Variants in NCS1 observed in about 807,000 individuals in gnomAD.
NCS1 encodes neuronal calcium sensor 1.
NCS1 carries 6 observed loss-of-function variants against 28.4 expected under a neutral mutation model. The ratio of observed to expected loss-of-function variants is 0.21; its 90% CI spans 0.12 to 0.42. The LOEUF is 0.42. Ranked by LOEUF, NCS1 falls within the 10% of genes least tolerant of loss-of-function variation. NCS1 has a pLI of 1.00. For synonymous variants in NCS1, 86 were observed against 99.3 expected (o/e 0.87, Z 0.79); for missense variants, 131 against 241.4 (o/e 0.54, Z 3.03).
intron 3 of NCS1, among the ~76,000 whole-genome samples, chr9:130,218,520 C>T (rs1554909709): frequency 1.3e-5 from 2 of 152,184 alleles, no homozygotes; most frequent in African/African-American, 4.8e-5. Context: ...GCAAATACCT[C>T]CCATGATAAT....
chr9:130,207,361 C>T (rs1314730631), intron 2 of NCS1, among the ~76,000 whole-genome samples: 2 of 152,236 alleles, frequency 1.3e-5, no homozygotes, highest in Non-Finnish European at 2.9e-5. Flanking sequence ...GGTCACCGTG[C>T]ACTGGCCACA....
rs1166378195 is a variant in NCS1, at chr9:130,219,388, C to CT, written c.229-335dup. 2.0e-5 allele frequency among the ~76,000 whole-genome samples: 3 copies of CT among 152,202 alleles called. No individual in the cohort carries two copies. Among genetic ancestry groups the CT allele is most frequent in the Non-Finnish European group, 4.4e-5 (3 of 68,030 alleles). ...GAGCCCACAGCTCTAGGCCGAGGGGCTTCCGGGCTGTTGCTGAGAGGAGCT... is the reference window on the plus strand; with the variant it reads ...GAGCCCACAGCTCTAGGCCGAGGGGCTTTCCGGGCTGTTGCTGAGAGGAGCT... On this transcript the variant is annotated intron_variant, in intron 3 of 7. Coordinates refer to ENST00000372398, the MANE Select transcript of NCS1 (RefSeq NM_014286.4). This position sits in a 1 kb window ranked among gnomAD's most constrained non-coding sequence, Gnocchi z 5.7.
In NCS1 at chr9:130,209,674, G is replaced by A. The variant is rs1205719686; in HGVS notation, c.90-8158G>A. ...GTGTGGGAGGAGACCCAGCGCTGGC[G>A]TGGGAACTGTTTTGCAAGTGGTAGT... On this transcript the variant is annotated intron_variant, in intron 2 of 7. Coordinates refer to ENST00000372398, the MANE Select transcript of NCS1 (RefSeq NM_014286.4). This position sits in a 1 kb window ranked among gnomAD's most constrained non-coding sequence, Gnocchi z 4.4. Among the ~76,000 whole-genome samples the A allele has an allele frequency of 1.3e-5, 2 of 152,332 alleles. No homozygotes were observed. Among genetic ancestry groups the A allele is most frequent in the African/African-American group, 2.4e-5 (1 of 41,576 alleles).
intron 2 of NCS1, among the ~76,000 whole-genome samples, chr9:130,213,098 C>T (rs557921540): frequency 2.3e-4 from 35 of 152,278 alleles, no homozygotes; most frequent in Middle Eastern, 3.4e-3. Flanking sequence ...TACACGGGGG[C>T]GGTGCAGCCT....
chr9:130,223,372 A>G (rs1554910903), intron 6 of NCS1, among the ~76,000 whole-genome samples: 1 of 151,158 alleles, frequency 6.6e-6, no homozygotes, highest in African/African-American at 2.4e-5. Context: ...TTAATCAACC[A>G]GAGTCCTTAG....
At position 130,234,327 on chromosome 9, in the gene NCS1, C is replaced by T. The variant is rs1297614210; in HGVS notation, c.*1355C>T. The stretch of plus-strand genomic sequence containing the variant: ...CAATCCCATCAATATAGTCCCTACA[C>T]CTGGGGCTGCGGCCCACATGTCTTC... On this transcript the variant is annotated 3_prime_UTR_variant, in exon 8 of 8. Transcript: ENST00000372398. This position sits in a 1 kb window ranked among gnomAD's most constrained non-coding sequence, Gnocchi z 6.1. 1 of 152,306 alleles carries T rather than the reference C, an allele frequency of 6.6e-6. No homozygotes were observed. Among genetic ancestry groups the T allele is most frequent in the Non-Finnish European group, 1.5e-5 (1 of 68,104 alleles). 9.4% of individuals were successfully genotyped at this position (152,306 alleles called of 1,614,324 possible). A position where few individuals can be genotyped will look rare whatever the true frequency, so the allele number is the denominator to read the frequency against.
At chr9:130,195,573 G>A (rs149120449) in intron 1 of NCS1, among the ~76,000 whole-genome samples, 41 of 152,270 alleles carry the variant, frequency 2.7e-4, no homozygotes, top group African/African-American at 9.9e-4. Context: ...ATAGGCACGC[G>A]CCACCACACC....
At chr9:130,206,355 G>A (rs7867620) in intron 2 of NCS1, among the ~76,000 whole-genome samples, 134,093 of 150,888 alleles carry the variant, frequency 0.89, 60,241 homozygotes, top group East Asian at 1. Flanking sequence ...CTTTCTCACC[G>A]TGGCCTCCAG....
At chr9:130,173,376 A>G (rs1832518796) in intron 1 of NCS1, among the ~76,000 whole-genome samples, 1 of 152,168 alleles carries the variant, frequency 6.6e-6, no homozygotes, top group African/African-American at 2.4e-5. Flanking sequence ...GCGTGTGATC[A>G]TTAGCTGTCG....
At position 130,224,617 on chromosome 9, in the gene NCS1, G is replaced by A. The variant is rs868916272; in HGVS notation, c.474+1458G>A. Among the ~76,000 whole-genome samples, 10 of 151,652 alleles carry A rather than the reference G, an allele frequency of 6.6e-5. No homozygotes were observed. In the South Asian group the frequency reaches 1.5e-3, roughly 22 times the overall value. ...ACTGGAGCCTACTTGAGGGTGGAGG[G>A]TGAGAGGAGGGTGAGGATCGAAACC... is the stretch of plus-strand genomic sequence containing the variant. On this transcript the variant is annotated intron_variant, in intron 6 of 7. Coordinates refer to ENST00000372398, the MANE Select transcript of NCS1 (RefSeq NM_014286.4).
intron 1 of NCS1, among the ~76,000 whole-genome samples, chr9:130,189,336 A>C (rs1250497072): frequency 6.6e-6 from 1 of 152,220 alleles, no homozygotes; most frequent in Non-Finnish European, 1.5e-5. Context: ...ACTTGTCTAC[A>C]GGGGCTAAAG....
intron 4 of NCS1, among the ~76,000 whole-genome samples, chr9:130,222,092 G>A (rs1193962846): frequency 4.7e-5 from 3 of 63,852 alleles, no homozygotes; most frequent in Non-Finnish European, 8.7e-5. Flanking sequence ...ATATATATAT[G>A]TGTGTGTGTA....
chr9:130,212,734 C>T (rs1329653885), intron 2 of NCS1, among the ~76,000 whole-genome samples: 10 of 151,726 alleles, frequency 6.6e-5, no homozygotes, highest in African/African-American at 2.2e-4. Flanking sequence ...GATGGAGTCA[C>T]GTCTCTCAGG....
chr9:130,200,561 G>A (rs1832928199), intron 1 of NCS1: 7 of 1,551,552 alleles, frequency 4.5e-6, no homozygotes, highest in Non-Finnish European at 6.1e-6. Flanking sequence ...GCCTGGGGAA[G>A]CCAGGGCCTT....
At position 130,200,841 on chromosome 9, in the gene NCS1, C is replaced by T. The variant is rs553127351; in HGVS notation, c.65-117C>T. On this transcript the variant is annotated intron_variant, in intron 1 of 7. Transcript: ENST00000372398. ...TTCTCATCCAGAGCAGGCCGTTGCC[C>T]GGGGACATGGCCGTGGGGAGGGGAG... The T allele has an allele frequency of 1.1e-4, 160 of 1,497,280 alleles. 1 individual carries two copies. The highest frequency in any genetic ancestry group is 9.7e-4 in the East Asian group (43 of 44,338). The allele number at this position is 1,497,280 out of a possible 1,614,324, so 92.7% of individuals were successfully genotyped here. A position where few individuals can be genotyped will look rare whatever the true frequency, so the allele number is the denominator to read the frequency against.
At position 130,219,622 on chromosome 9, in the gene NCS1, C is replaced by G; in HGVS notation, c.229-103C>G. Reference sequence around the variant, plus strand: ...TCTCCACCTGAGTGTCCATTGGCCACAGTGTCTGGAGCCTGCGACTGCCCC... The same window carrying G: ...TCTCCACCTGAGTGTCCATTGGCCAGAGTGTCTGGAGCCTGCGACTGCCCC... On this transcript the variant is annotated intron_variant, in intron 3 of 7. Transcript: ENST00000372398. The surrounding 1 kb of genome is among the most constrained non-coding windows in gnomAD (Gnocchi z 5.7). 1 of 1,047,272 alleles carries G rather than the reference C, an allele frequency of 9.5e-7. No individual in the cohort carries two copies. The highest frequency in any genetic ancestry group is 1.6e-5 in the African/African-American group (1 of 63,938). The allele number at this position is 1,047,272 out of a possible 1,614,324, so 64.9% of individuals were successfully genotyped here.
intron 1 of NCS1, among the ~76,000 whole-genome samples, chr9:130,189,281 T>C (rs1393064683): frequency 6.6e-6 from 1 of 152,212 alleles, no homozygotes; most frequent in African/African-American, 2.4e-5. Context: ...ATTTTACAGC[T>C]AAGGAAACTG....
At position 130,175,834 on chromosome 9, in the gene NCS1, A is replaced by T. The variant is rs1832555708; in HGVS notation, c.64+3107A>T. 6.6e-6 allele frequency among the ~76,000 whole-genome samples: 1 copy of T among 152,226 alleles called. No individual in the cohort carries two copies. The highest frequency in any genetic ancestry group is 2.4e-5 in the African/African-American group (1 of 41,456). ...AGATGGACAGGGTCACTCTGCAGCC[A>T]AGACTTAGACAGTGGCAGTCAGCAT... is the stretch of plus-strand genomic sequence containing the variant. On this transcript the variant is annotated intron_variant, in intron 1 of 7. Coordinates refer to ENST00000372398, the MANE Select transcript of NCS1 (RefSeq NM_014286.4). The surrounding 1 kb of genome is among the most constrained non-coding windows in gnomAD (Gnocchi z 4.9).
In NCS1 at chr9:130,209,552, G is replaced by T. The variant is rs868965; in HGVS notation, c.90-8280G>T. On this transcript the variant is annotated intron_variant, in intron 2 of 7. Coordinates refer to ENST00000372398, the MANE Select transcript of NCS1 (RefSeq NM_014286.4). The surrounding 1 kb of genome is among the most constrained non-coding windows in gnomAD (Gnocchi z 4.4). ...GCCAGGCCAGTGCCGGTTGCGGGCG[G>T]GCATCCGGGACTGAGGGGGGCGAGG... Among the ~76,000 whole-genome samples the T allele has an allele frequency of 0.51, 77,422 of 151,962 alleles. 20,283 individuals are homozygous for T. The highest frequency in any genetic ancestry group is 0.84 in the East Asian group (4,351 of 5,162).
Sources: gnomAD v4.1 joint callset for allele counts (sites outside exome capture counted in the v4.1 genomes callset) on GRCh38, gnomAD v4.1.1 for gene constraint, Gnocchi (gnomAD v3.1) non-coding constraint, MANE v1.5 for transcripts, NCBI Gene and HGNC (gene_info 2026-07-23, HGNC 2026-07-21) for gene names.